CEP41: variants seen among roughly 807,000 people sequenced by gnomAD.
CEP41 encodes centrosomal protein of 41 kDa.
In CEP41, 32 loss-of-function variants were observed where a neutral mutation model predicts 44.3. The ratio of observed to expected loss-of-function variants is 0.72; its 90% confidence interval spans 0.54 to 0.97. The LOEUF (loss-of-function observed/expected upper bound fraction) is 0.97. Ranked by LOEUF, CEP41 falls within the 50% of genes least tolerant of loss-of-function variation. The pLI is 0.00. For synonymous variants in CEP41, 151 were observed against 168.5 expected (o/e 0.90, Z 0.80); for missense variants, 432 against 455.2 (o/e 0.95, Z 0.46).
chr7:130,395,880 T>TA lies in CEP41; in HGVS notation c.*3010dup, dbSNP rs34126172. On this transcript the variant is annotated 3_prime_UTR_variant, in exon 11 of 11. Transcript: ENST00000223208. Reference sequence around the variant, plus strand: ...CTGGTCCTGGCTAACCACTAAAGGTTAAAAAAAAAAAAAAAGATAAAAGAT... The same window carrying TA: ...CTGGTCCTGGCTAACCACTAAAGGTTAAAAAAAAAAAAAAAAGATAAAAGAT... The TA allele has an allele frequency of 0.1, 42,795 of 413,466 alleles. 899 individuals are homozygous for TA. The highest frequency in any genetic ancestry group is 0.15 in the East Asian group (2,023 of 13,806). 25.6% of individuals were successfully genotyped at this position (413,466 alleles called of 1,614,324 possible). A position where few individuals can be genotyped will look rare whatever the true frequency, so the allele number is the denominator to read the frequency against.
chr7:130,399,258 GT>G (rs554274884), intron 10 of CEP41: 15 of 591,058 alleles, frequency 2.5e-5, no homozygotes, highest in East Asian at 2.3e-4. Flanking sequence ...ACCCAGATAG[GT>G]TTTTTTTCCC....
At position 130,395,492 on chromosome 7, in the gene CEP41, CAAG is replaced by C. The variant is rs1796631898; in HGVS notation, c.*3396_*3398del. On this transcript the variant is annotated 3_prime_UTR_variant, in exon 11 of 11. Coordinates refer to ENST00000223208, the MANE Select transcript of CEP41 (RefSeq NM_018718.3). ...CTTACTGATTATCTTCAGAGTAGAG[CAAG>C]AAGGTGGTCATGGATTTAAATCCAG... is the stretch of plus-strand genomic sequence containing the variant. 2.2e-6 allele frequency: 1 copy of C among 453,928 alleles called. No individual in the cohort carries two copies. Among genetic ancestry groups the C allele is most frequent in the Admixed American group, 2.4e-5 (1 of 42,550 alleles). 28.1% of individuals were successfully genotyped at this position (453,928 alleles called of 1,614,324 possible).
chr7:130,420,734 T>C, intron 2 of CEP41: 1 of 274,430 alleles, frequency 3.6e-6, no homozygotes, highest in Non-Finnish European at 5.6e-6. Context: ...ATCACGCCAC[T>C]GCACTCCAGC....
intron 3 of CEP41, among the ~76,000 whole-genome samples, chr7:130,415,680 A>C (rs188630827): frequency 6.6e-6 from 1 of 152,270 alleles, no homozygotes; most frequent in Admixed American, 6.5e-5. Context: ...GGACATGTGA[A>C]CTCACACTCA....
chr7:130,417,138 T>C, intron 2 of CEP41, 172 bp from the exon 3 acceptor site: 1 of 1,414,168 alleles, frequency 7.1e-7, no homozygotes, highest in Non-Finnish European at 9.3e-7. Flanking sequence ...TAATACAGCG[T>C]TATTAAAAGT....
At chr7:130,401,365 T>C (rs186765400) in intron 8 of CEP41, among the ~76,000 whole-genome samples, 1 of 152,160 alleles carries the variant, frequency 6.6e-6, no homozygotes, top group East Asian at 1.9e-4. Flanking sequence ...ATTACATATA[T>C]AGTAAGGTTT....
At chr7:130,401,247 T>C (rs1057465878) in intron 8 of CEP41, 1 of 217,194 alleles carries the variant, frequency 4.6e-6, no homozygotes, top group Non-Finnish European at 9.3e-6. Context: ...TAGTAAATCA[T>C]AGTAAATCTG....
At chr7:130,405,404 G>T (rs1796980410) in intron 5 of CEP41, among the ~76,000 whole-genome samples, 1 of 152,256 alleles carries the variant, frequency 6.6e-6, no homozygotes, top group South Asian at 2.1e-4. Context: ...AACTAAATAA[G>T]CCTGTTTGTT....
rs782155406 is a variant in CEP41 at position 130,397,854 on chromosome 7, T to A, written c.*1037A>T. ...AGAATCTATAATCACAACTTCCTAATCACAGTTCAGTCATGAGAATGAAAA... is the reference window on the plus strand; with the variant it reads ...AGAATCTATAATCACAACTTCCTAAACACAGTTCAGTCATGAGAATGAAAA... On this transcript the variant is annotated 3_prime_UTR_variant, in exon 11 of 11. Coordinates refer to ENST00000223208, the MANE Select transcript of CEP41 (RefSeq NM_018718.3). 81 of 450,432 alleles carry A rather than the reference T, an allele frequency of 1.8e-4. No individual in the cohort carries two copies. The highest frequency in any genetic ancestry group is 3.4e-4 in the Non-Finnish European group (75 of 223,466). The allele number at this position is 450,432 out of a possible 1,614,324, so 27.9% of individuals were successfully genotyped here. A position where few individuals can be genotyped will look rare whatever the true frequency, so the allele number is the denominator to read the frequency against.
In CEP41 at chr7:130,396,482, G is replaced by T. The variant is rs1378489888; in HGVS notation, c.*2409C>A. On this transcript the variant is annotated 3_prime_UTR_variant, in exon 11 of 11. Transcript: ENST00000223208. ...GTGGCTCCCCCAAATCATCTCGACA[G>T]AAAAGAAGAGAGAAGTTGGCAGTTT... The T allele has an allele frequency of 2.2e-6, 1 of 454,352 alleles. No individual in the cohort carries two copies. Among genetic ancestry groups the T allele is most frequent in the African/African-American group, 2.0e-5 (1 of 49,968 alleles). 28.1% of individuals were successfully genotyped at this position (454,352 alleles called of 1,614,324 possible). A position where few individuals can be genotyped will look rare whatever the true frequency, so the allele number is the denominator to read the frequency against.
upstream of CEP41, chr7:130,441,367 G>C: frequency 2.6e-6 from 1 of 378,904 alleles, no homozygotes; most frequent in Non-Finnish European, 5.1e-6. Context: ...TACAACACAA[G>C]ACTCCCCATC....
chr7:130,430,559 TA>T (rs1182892907), intron 1 of CEP41, among the ~76,000 whole-genome samples: 1 of 152,170 alleles, frequency 6.6e-6, no homozygotes, highest in Non-Finnish European at 1.5e-5. Flanking sequence ...GATTCTTTAG[TA>T]AAAGAAGGAA....
At chr7:130,415,937 T>C (rs1797322738) in intron 3 of CEP41, among the ~76,000 whole-genome samples, 1 of 152,234 alleles carries the variant, frequency 6.6e-6, no homozygotes, top group Middle Eastern at 3.2e-3. Context: ...AAGAAGTTTG[T>C]AGCATTAGCC....
Position 130,395,437 on chromosome 7 carries a change from G to A in CEP41, c.*3454C>T. 2.2e-6 allele frequency: 1 copy of A among 454,078 alleles called. No individual in the cohort carries two copies. Among genetic ancestry groups the A allele is most frequent in the South Asian group, 1.6e-5 (1 of 64,472 alleles). 28.1% of individuals were successfully genotyped at this position (454,078 alleles called of 1,614,324 possible). ...AATAAACACACATTAAAGACACTGAGAACGTTTTAGAACTGGAGAAAGAAA... is the reference window on the plus strand; with the variant it reads ...AATAAACACACATTAAAGACACTGAAAACGTTTTAGAACTGGAGAAAGAAA... On this transcript the variant is annotated 3_prime_UTR_variant, in exon 11 of 11. Transcript: ENST00000223208.
intron 4 of CEP41, 30 bp downstream of exon 4, chr7:130,412,147 CTT>C (rs1361037044): frequency 1.6e-6 from 2 of 1,235,674 alleles, no homozygotes; most frequent in Non-Finnish European, 2.4e-6. Context: ...ATTAGACAGA[CTT>C]TACTCCAGTG....
intron 1 of CEP41, among the ~76,000 whole-genome samples, chr7:130,429,133 G>T (rs1554424487): frequency 6.6e-6 from 1 of 152,086 alleles, no homozygotes; most frequent in Non-Finnish European, 1.5e-5. Flanking sequence ...ACACCCCTGA[G>T]ATTTTATCCA....
rs782299907 is a variant in CEP41 at position 130,400,821 on chromosome 7, TC to T, written c.643-1del. ...ATGATGATCTTGCCATGGGCATTTT[TC>T]TAAGAGTCAGATGAGTTAAGGTTCC... On this transcript the variant is annotated splice_acceptor_variant, in intron 8 of 10. Coordinates refer to ENST00000223208, the MANE Select transcript of CEP41 (RefSeq NM_018718.3). LOFTEE classifies it high-confidence loss of function. 2.3e-5 allele frequency: 37 copies of T among 1,601,056 alleles called. No homozygotes were observed. Among genetic ancestry groups the T allele is most frequent in the Non-Finnish European group, 3.2e-5 (37 of 1,170,218 alleles).
chr7:130,430,283 A>G (rs557551360), intron 1 of CEP41, among the ~76,000 whole-genome samples: 24 of 149,874 alleles, frequency 1.6e-4, no homozygotes, highest in Admixed American at 5.3e-4. Flanking sequence ...ATCTAAGGGG[A>G]AAAAAAAAAT....
chr7:130,431,357 C>A (rs1273773230), intron 1 of CEP41, among the ~76,000 whole-genome samples: 3 of 152,130 alleles, frequency 2.0e-5, no homozygotes, highest in Admixed American at 6.6e-5. Flanking sequence ...TGAGCACCAA[C>A]CATTCATTTG....
Sources: allele counts gnomAD v4.1 joint callset (sites outside exome capture counted in the v4.1 genomes callset), GRCh38; gene constraint gnomAD v4.1.1; transcripts MANE v1.5; gene names NCBI Gene and HGNC (gene_info 2026-07-23, HGNC 2026-07-21).